Variants in MAGI3 observed in about 807,000 individuals in gnomAD.
The protein encoded by MAGI3 is membrane associated guanylate kinase, WW and PDZ domain containing 3.
MAGI3 carries 43 observed loss-of-function variants against 121.8 expected under a neutral mutation model. The observed-to-expected ratio is 0.35, with a 90% CI of 0.28 to 0.46. The LOEUF is 0.46. MAGI3 is among the 20% of genes least tolerant of loss of function. MAGI3 has a pLI of 1.00. For missense variants in MAGI3, 1,547 were observed against 1,797.3 expected (o/e 0.86, Z 2.52); for synonymous variants, 553 against 639.3 (o/e 0.86, Z 2.04).
chr1:113,660,766 A>T (rs1259152119), intron 16 of MAGI3, among the ~76,000 whole-genome samples: 34 of 122,948 alleles, frequency 2.8e-4, no homozygotes, highest in East Asian at 4.6e-4. Context: ...ATAATTTTTA[A>T]TTTTTTTTTT....
At chr1:113,623,399 CTA>C (rs34212342) in intron 9 of MAGI3, among the ~76,000 whole-genome samples, 12 of 143,224 alleles carry the variant, frequency 8.4e-5, no homozygotes, top group African/African-American at 7.7e-5. Context: ...TTCCTTCTAG[CTA>C]TATATATATA....
chr1:113,649,352 TG>T, intron 13 of MAGI3, 24 bp downstream of exon 13: 1 of 1,543,762 alleles, frequency 6.5e-7, no homozygotes. Flanking sequence ...CTTTGGAACA[TG>T]GCTGTTTCCT....
At chr1:113,526,790 C>T (rs1035415351) in intron 1 of MAGI3, among the ~76,000 whole-genome samples, 1 of 152,240 alleles carries the variant, frequency 6.6e-6, no homozygotes, top group East Asian at 1.9e-4. Flanking sequence ...ATGGAGAGAA[C>T]TGAATGAGTT....
intron 19 of MAGI3, 41 bp from the exon 20 acceptor site, chr1:113,681,157 T>C: frequency 6.3e-7 from 1 of 1,596,030 alleles, no homozygotes; most frequent in Non-Finnish European, 8.5e-7. Context: ...TTACAAAGGA[T>C]GCATAGTTTC....
chr1:113,449,691 G>A (rs1654382167), intron 1 of MAGI3: 2 of 802,938 alleles, frequency 2.5e-6, no homozygotes, highest in Non-Finnish European at 4.4e-6. Flanking sequence ...AGGCGAGTCT[G>A]GTCTCAAAAT....
chr1:113,474,060 G>T (rs966054188), intron 1 of MAGI3, among the ~76,000 whole-genome samples: 3 of 152,204 alleles, frequency 2.0e-5, no homozygotes, highest in African/African-American at 2.4e-5. Context: ...GTGCATAGAT[G>T]TCTTCTTTTG....
At chr1:113,437,804 CTTTTCTTCT>C (rs1169249008) in intron 1 of MAGI3, among the ~76,000 whole-genome samples, 4 of 137,062 alleles carry the variant, frequency 2.9e-5, no homozygotes, top group African/African-American at 1.1e-4. Context: ...CTTCTTTCTT[CTTTTCTTCT>C]TCTTCTTCTT....
intron 17 of MAGI3, 145 bp from the exon 18 acceptor site, chr1:113,672,466 ATCTG>A: frequency 0.014 from 12 of 858 alleles, 5 homozygotes; most frequent in Non-Finnish European, 0.024. Flanking sequence ...CACCCCTCTG[ATCTG>A]ATTTTAGATA....
chr1:113,652,660 A>G (rs952461368), intron 14 of MAGI3, among the ~76,000 whole-genome samples: 4 of 146,990 alleles, frequency 2.7e-5, no homozygotes, highest in African/African-American at 5.0e-5. Flanking sequence ...ATGCATTTTG[A>G]AAAAAAAAAA....
chr1:113,657,761 A>G (rs1421843447), intron 15 of MAGI3, among the ~76,000 whole-genome samples: 2 of 152,208 alleles, frequency 1.3e-5, no homozygotes, highest in Non-Finnish European at 2.9e-5. Context: ...CTGCACTGGC[A>G]TTTCTCTAAT....
intron 3 of MAGI3, among the ~76,000 whole-genome samples, chr1:113,581,382 C>T (rs1648014511): frequency 6.6e-6 from 1 of 152,048 alleles, no homozygotes; most frequent in African/African-American, 2.4e-5. Context: ...AATATCTAAC[C>T]TGGAATTCAG....
At chr1:113,527,562 C>G (rs1276248797) in intron 1 of MAGI3, among the ~76,000 whole-genome samples, 4 of 152,080 alleles carry the variant, frequency 2.6e-5, no homozygotes, top group Non-Finnish European at 5.9e-5. Context: ...TTTCAGCATT[C>G]AATACAACTT....
intron 1 of MAGI3, among the ~76,000 whole-genome samples, chr1:113,443,563 A>T (rs542938309): frequency 8.6e-4 from 131 of 152,324 alleles, no homozygotes; most frequent in African/African-American, 3.1e-3. Context: ...TTTAACCAAG[A>T]TCATTTATGA....
intron 18 of MAGI3, 117 bp downstream of exon 18, chr1:113,672,858 C>G: frequency 3.1e-6 from 4 of 1,296,426 alleles, no homozygotes; most frequent in Non-Finnish European, 4.2e-6. Context: ...TAATAATTCT[C>G]GAAGACCTGC....
chr1:113,415,689 T>C (rs1003082972), intron 1 of MAGI3, among the ~76,000 whole-genome samples: 35 of 152,130 alleles, frequency 2.3e-4, no homozygotes, highest in Admixed American at 1.8e-3. Context: ...CAGCCTACTC[T>C]TCCAGCCTCA....
intron 2 of MAGI3, among the ~76,000 whole-genome samples, chr1:113,574,738 G>A (rs1647512447): frequency 6.6e-6 from 1 of 152,142 alleles, no homozygotes; most frequent in South Asian, 2.1e-4. Flanking sequence ...GGCCTCTCTT[G>A]CTAGGTTGCG....
chr1:113,611,000 C>T (rs943054139), intron 6 of MAGI3, among the ~76,000 whole-genome samples: 4 of 151,938 alleles, frequency 2.6e-5, no homozygotes, highest in African/African-American at 9.7e-5. Flanking sequence ...CATTACTAGG[C>T]ACTTTTAATA....
chr1:113,634,016 TG>T (rs1651835796), intron 9 of MAGI3, among the ~76,000 whole-genome samples: 1 of 151,178 alleles, frequency 6.6e-6, no homozygotes, highest in Non-Finnish European at 1.5e-5. Context: ...ATGTGTTTTT[TG>T]GCTGCATAAA....
chr1:113,404,849 A>G (rs115401819), intron 1 of MAGI3, among the ~76,000 whole-genome samples: 1,592 of 152,264 alleles, frequency 0.01, 16 homozygotes, highest in Non-Finnish European at 0.014. Context: ...ATCATTCTAG[A>G]ATCATCCTAC....
Sources: allele counts gnomAD v4.1 joint callset (sites outside exome capture counted in the v4.1 genomes callset), GRCh38; gene constraint gnomAD v4.1.1; transcripts MANE v1.5; gene names NCBI Gene and HGNC (gene_info 2026-07-23, HGNC 2026-07-21).